KALRN: variants seen among roughly 807,000 people sequenced by gnomAD.
The protein encoded by KALRN is kalirin.
Under a neutral mutation model 353.7 loss-of-function variants are expected in KALRN, and 70 were observed. The ratio of observed to expected loss-of-function variants is 0.20; its 90% CI spans 0.16 to 0.24. The LOEUF is 0.24. Ranked by LOEUF, KALRN falls within the 10% of genes least tolerant of loss-of-function variation. The pLI is 1.00. For synonymous variants in KALRN, 1,391 were observed against 1,434.8 expected (o/e 0.97, Z 0.69); for missense variants, 2,791 against 3,756.7 (o/e 0.74, Z 6.72).
chr3:124,445,905 G>A (rs555317933), intron 19 of KALRN, among the ~76,000 whole-genome samples: 3 of 152,304 alleles, frequency 2.0e-5, no homozygotes, highest in South Asian at 4.1e-4. Context: ...TAAGTCACTG[G>A]TGTTATATTC....
chr3:124,172,655 C>T (rs950604849), intron 1 of KALRN, among the ~76,000 whole-genome samples: 17 of 151,816 alleles, frequency 1.1e-4, no homozygotes, highest in Non-Finnish European at 2.1e-4. Flanking sequence ...TTGCCAGGGG[C>T]GCCCCTGGAA....
intron 11 of KALRN, among the ~76,000 whole-genome samples, chr3:124,394,233 C>A (rs1425921598): frequency 6.6e-6 from 1 of 152,146 alleles, no homozygotes; most frequent in Non-Finnish European, 1.5e-5. Context: ...TGGCTTTTTT[C>A]CTGGTAGAGC....
chr3:124,327,222 C>T (rs148227429), intron 7 of KALRN, among the ~76,000 whole-genome samples: 24 of 152,254 alleles, frequency 1.6e-4, no homozygotes, highest in African/African-American at 3.6e-4. Context: ...ATAGCTGTTA[C>T]GTTGTAAATA....
chr3:124,329,912 C>T lies in KALRN; in HGVS notation c.1336C>T (p.Pro446Ser). 1 of 1,613,778 alleles carries T rather than the reference C, an allele frequency of 6.2e-7. No individual in the cohort carries two copies. Among genetic ancestry groups the T allele is most frequent in the Non-Finnish European group, 8.5e-7 (1 of 1,179,870 alleles). ...WCKMCSEGGL[P>S]SEMQDLELAI... The stretch of plus-strand genomic sequence containing the variant: ...CAAGATGTGCAGTGAAGGTGGTCTG[C>T]CATCCGAGATGCAAGACCTAGAGCT... The change falls in exon 8 of 60, where the codon CCA becomes TCA. Residue 446 changes from proline (P) to serine (S), a missense_variant. Physicochemically the swap from Pro to Ser is moderately conservative, Grantham distance 74. Coordinates refer to ENST00000682506, the MANE Select transcript of KALRN (RefSeq NM_001388419.1).
chr3:124,360,492 ATCAC>A (rs2083909933), intron 10 of KALRN, among the ~76,000 whole-genome samples: 1 of 152,230 alleles, frequency 6.6e-6, no homozygotes, highest in Non-Finnish European at 1.5e-5. Flanking sequence ...AAAGAGTGGA[ATCAC>A]TCAAGTTTCA....
chr3:124,132,429 G>A (rs2065410798), intron 1 of KALRN, among the ~76,000 whole-genome samples: 1 of 152,222 alleles, frequency 6.6e-6, no homozygotes, highest in Non-Finnish European at 1.5e-5. Context: ...GTGAGAGGGA[G>A]CCTCCATCAC....
At chr3:124,050,447 CCT>C (rs1266980885) in intron 1 of KALRN, among the ~76,000 whole-genome samples, 1 of 152,182 alleles carries the variant, frequency 6.6e-6, no homozygotes, top group African/African-American at 2.4e-5. Context: ...TCACCACCAT[CCT>C]CTCCCCTCCA....
chr3:124,529,880 A>G (rs1241547569), intron 33 of KALRN, among the ~76,000 whole-genome samples: 1 of 152,130 alleles, frequency 6.6e-6, no homozygotes, highest in African/African-American at 2.4e-5. Flanking sequence ...GAAAGAAACA[A>G]CTGCTATGAG....
At chr3:124,521,276 A>G (rs1328344444) in intron 33 of KALRN, among the ~76,000 whole-genome samples, 2 of 152,228 alleles carry the variant, frequency 1.3e-5, no homozygotes, top group Non-Finnish European at 2.9e-5. Flanking sequence ...GTGGGTGAGT[A>G]AACAGTCCCT....
At chr3:124,672,908 G>A (rs1478239722) in intron 48 of KALRN, among the ~76,000 whole-genome samples, 2 of 152,082 alleles carry the variant, frequency 1.3e-5, no homozygotes, top group Non-Finnish European at 2.9e-5. Flanking sequence ...CAGTTTTATA[G>A]TTTTATTTCT....
intron 1 of KALRN, among the ~76,000 whole-genome samples, chr3:124,161,463 C>G (rs1248146972): frequency 6.6e-6 from 1 of 152,208 alleles, no homozygotes; most frequent in Non-Finnish European, 1.5e-5. Context: ...GCTTCTCCCC[C>G]TCTACCCCTG....
At chr3:124,256,056 T>C (rs1021597581) in intron 3 of KALRN, among the ~76,000 whole-genome samples, 1 of 152,114 alleles carries the variant, frequency 6.6e-6, no homozygotes, top group Non-Finnish European at 1.5e-5. Context: ...TGTGGTCAGA[T>C]GATAATGGGC....
intron 1 of KALRN, among the ~76,000 whole-genome samples, chr3:124,169,781 G>A (rs2071459351): frequency 6.6e-6 from 1 of 152,180 alleles, no homozygotes; most frequent in South Asian, 2.1e-4. Flanking sequence ...AGTAGTCAGG[G>A]GAAGAGAGAG....
At chr3:124,167,971 G>A (rs558276401) in intron 1 of KALRN, among the ~76,000 whole-genome samples, 33 of 152,300 alleles carry the variant, frequency 2.2e-4, no homozygotes, top group Non-Finnish European at 4.0e-4. Flanking sequence ...GCCCTCAGAT[G>A]AGAGTTGTAT....
At chr3:124,232,184 C>T (rs2079238296) in intron 2 of KALRN, among the ~76,000 whole-genome samples, 1 of 152,200 alleles carries the variant, frequency 6.6e-6, no homozygotes, top group African/African-American at 2.4e-5. Context: ...TCCACTCTGC[C>T]TTCACTCAGC....
intron 1 of KALRN, among the ~76,000 whole-genome samples, chr3:124,059,145 C>A (rs939417259): frequency 3.3e-5 from 5 of 152,226 alleles, no homozygotes; most frequent in African/African-American, 7.2e-5. Flanking sequence ...TTCTGTGGCA[C>A]CCTTACGTGA....
chr3:124,328,455 C>T (rs780021663), intron 7 of KALRN, among the ~76,000 whole-genome samples: 7 of 152,180 alleles, frequency 4.6e-5, no homozygotes, highest in Non-Finnish European at 8.8e-5. Flanking sequence ...AGAGAAATCC[C>T]ATGAGCCTTG....
At chr3:124,216,898 A>T (rs901572176) in intron 1 of KALRN, among the ~76,000 whole-genome samples, 1 of 152,078 alleles carries the variant, frequency 6.6e-6, no homozygotes, top group African/African-American at 2.4e-5. Flanking sequence ...TCTTGGGAAA[A>T]TCCCATTGTG....
In KALRN at chr3:124,674,519, C is replaced by T. The variant is rs762034415; in HGVS notation, c.7098C>T (p.Ser2366=). 15 of 1,613,742 alleles carry T rather than the reference C, an allele frequency of 9.3e-6. No homozygotes were observed. The highest frequency in any genetic ancestry group is 1.7e-5 in the Admixed American group (1 of 59,944). ...TGTGTCTGGTGTACCAGCCTGCCAG[C>T]GACCATTCCCCCGCCGCCGAGGGCT... The part of the protein sequence containing the change: ...QNMCLVYQPA[S]DHSPAAEGWV... Residue 2366 remains serine (S), a synonymous_variant, in exon 49 of 60, where the codon AGC becomes AGT. Transcript: ENST00000682506.
Sources: gnomAD v4.1 joint callset for allele counts (sites outside exome capture counted in the v4.1 genomes callset) on GRCh38, gnomAD v4.1.1 for gene constraint, MANE v1.5 for transcripts, NCBI Gene and HGNC (gene_info 2026-07-23, HGNC 2026-07-21) for gene names.